DYNC1I1: variants seen among roughly 807,000 people sequenced by gnomAD.
The protein encoded by DYNC1I1 is dynein cytoplasmic 1 intermediate chain 1, also known as cytoplasmic dynein 1 intermediate chain 1.
DYNC1I1 carries 43 observed loss-of-function variants against 86.6 expected under a neutral mutation model. The observed-to-expected ratio is 0.50, with a 90% confidence interval of 0.39 to 0.64. The LOEUF (loss-of-function observed/expected upper bound fraction) is 0.64, where lower values mean the gene tolerates loss of function less well. Ranked by LOEUF, DYNC1I1 falls within the 30% of genes least tolerant of loss-of-function variation. The probability of loss-of-function intolerance (pLI) is 0.00; values close to 1 mark genes in which losing one functional copy is unlikely to be tolerated. For synonymous variants in DYNC1I1, 262 were observed against 283.7 expected (o/e 0.92, Z 0.77); for missense variants, 604 against 788.8 (o/e 0.77, Z 2.81).
chr7:96,078,047 C>A (rs544748267), intron 15 of DYNC1I1, among the ~76,000 whole-genome samples: 1 of 152,206 alleles, frequency 6.6e-6, no homozygotes, highest in African/African-American at 2.4e-5. Flanking sequence ...CTTTTTAAAA[C>A]CTTCAAATCA....
At chr7:95,899,048 A>T (rs1310239315) in intron 6 of DYNC1I1, among the ~76,000 whole-genome samples, 1 of 152,098 alleles carries the variant, frequency 6.6e-6, no homozygotes, top group Non-Finnish European at 1.5e-5. Context: ...TTTTTTTCCA[A>T]GTACTTGTAA....
intron 1 of DYNC1I1, 92 bp from the exon 2 acceptor site, chr7:95,804,626 ATTG>A (rs1794660753): frequency 7.7e-7 from 1 of 1,303,448 alleles, no homozygotes; most frequent in East Asian, 2.6e-5. Flanking sequence ...CAAAAGTCAC[ATTG>A]TTAAGTTGCA....
At chr7:96,048,407 A>T (rs2116088307) in intron 14 of DYNC1I1, among the ~76,000 whole-genome samples, 1 of 152,270 alleles carries the variant, frequency 6.6e-6, no homozygotes, top group Non-Finnish European at 1.5e-5. Context: ...AATTCTTCCA[A>T]GCCAGTGTTC....
At chr7:95,801,909 G>C (rs543190904) in intron 1 of DYNC1I1, among the ~76,000 whole-genome samples, 9 of 152,180 alleles carry the variant, frequency 5.9e-5, no homozygotes, top group Non-Finnish European at 1.3e-4. Flanking sequence ...GTGTCCTTCC[G>C]TGTGGACCCT....
chr7:95,977,700 G>A, intron 7 of DYNC1I1, 99 bp downstream of exon 7: 1 of 1,030,632 alleles, frequency 9.7e-7, no homozygotes, highest in Non-Finnish European at 1.4e-6. Context: ...AATTGAATTT[G>A]CATCCCCTAT....
intron 5 of DYNC1I1, among the ~76,000 whole-genome samples, chr7:95,828,583 A>G (rs1795254109): frequency 6.6e-6 from 1 of 152,136 alleles, no homozygotes. Flanking sequence ...ATTTGAATTA[A>G]GTTTGAACAG....
intron 6 of DYNC1I1, among the ~76,000 whole-genome samples, chr7:95,895,241 T>C (rs1456050647): frequency 6.6e-6 from 1 of 152,082 alleles, no homozygotes; most frequent in Non-Finnish European, 1.5e-5. Context: ...TCCGATGGAG[T>C]ATAGTTCATT....
rs905324043 is a variant in DYNC1I1 at position 95,987,090 on chromosome 7, C to T, written c.778C>T (p.Arg260Cys). ...GGCTGGAGCCAATCTTTCTTTCAATCGTCAGTTCTATGATGAACATTGGTC... is the reference window on the plus strand; with the variant it reads ...GGCTGGAGCCAATCTTTCTTTCAATTGTCAGTTCTATGATGAACATTGGTC... ...VQAGANLSFNRQFYDEHWSKH... is the reference protein window; with the variant it reads ...VQAGANLSFNCQFYDEHWSKH... Residue 260 changes from arginine to cysteine, a missense_variant, in exon 9 of 17, where the codon CGT (arginine) becomes TGT (cysteine). Transcript: ENST00000447467. 3.7e-6 allele frequency: 6 copies of T among 1,613,792 alleles called. No homozygotes were observed. Among genetic ancestry groups the T allele is most frequent in the East Asian group, 4.5e-5 (2 of 44,874 alleles).
At chr7:95,970,530 G>T (rs1335364650) in intron 6 of DYNC1I1, among the ~76,000 whole-genome samples, 1 of 152,186 alleles carries the variant, frequency 6.6e-6, no homozygotes, top group Non-Finnish European at 1.5e-5. Flanking sequence ...TCTAGCATCA[G>T]CAGTGCCTTG....
At chr7:95,828,189 G>T (rs970913766) in intron 5 of DYNC1I1, 73 bp downstream of exon 5, 4 of 1,548,294 alleles carry the variant, frequency 2.6e-6, no homozygotes. Context: ...TGGAGCTGTT[G>T]TTGCTCTTGT....
At chr7:95,927,622 T>TG (rs1394451879) in intron 6 of DYNC1I1, among the ~76,000 whole-genome samples, 4 of 151,548 alleles carry the variant, frequency 2.6e-5, no homozygotes, top group African/African-American at 9.7e-5. Context: ...GGGGAGAGAG[T>TG]GAGAGGATGG....
intron 14 of DYNC1I1, among the ~76,000 whole-genome samples, chr7:96,063,225 G>A (rs75273010): frequency 1.3e-5 from 2 of 151,840 alleles, no homozygotes; most frequent in East Asian, 3.9e-4. Context: ...GATTGCAAAG[G>A]GATGTGTTTA....
At chr7:95,793,537 G>A (rs1019814040) in intron 1 of DYNC1I1, among the ~76,000 whole-genome samples, 2 of 152,078 alleles carry the variant, frequency 1.3e-5, no homozygotes, top group East Asian at 3.9e-4. Context: ...GGAGTCTCTG[G>A]GTCAGAGAGT....
intron 16 of DYNC1I1, among the ~76,000 whole-genome samples, chr7:96,082,493 T>A (rs999132806): frequency 6.6e-6 from 1 of 152,200 alleles, no homozygotes; most frequent in African/African-American, 2.4e-5. Context: ...CACTTAAGAT[T>A]GTATACAATA....
chr7:95,985,296 G>A (rs777556063), intron 8 of DYNC1I1, among the ~76,000 whole-genome samples: 1 of 152,114 alleles, frequency 6.6e-6, no homozygotes, highest in Non-Finnish European at 1.5e-5. Context: ...GATTCATGTT[G>A]TATCTACTAG....
At chr7:96,074,002 C>T (rs1271606497) in intron 14 of DYNC1I1, among the ~76,000 whole-genome samples, 2 of 152,074 alleles carry the variant, frequency 1.3e-5, no homozygotes, top group African/African-American at 4.8e-5. Context: ...AGCCAATAAG[C>T]AAATAATTTT....
At chr7:96,081,332 A>G (rs1310077061) in intron 16 of DYNC1I1, among the ~76,000 whole-genome samples, 1 of 149,458 alleles carries the variant, frequency 6.7e-6, no homozygotes, top group Non-Finnish European at 1.5e-5. Flanking sequence ...TAAAAAAGGA[A>G]AAAAAAAAAC....
At position 96,064,614 on chromosome 7, in the gene DYNC1I1, A is replaced by G. The variant is rs576946658; in HGVS notation, c.1510-11443A>G. Among the ~76,000 whole-genome samples the G allele has an allele frequency of 1.2e-3, 171 of 143,708 alleles. 1 individual carries two copies. Among genetic ancestry groups the G allele is most frequent in the Non-Finnish European group, 2.2e-3 (144 of 65,410 alleles). 94.3% of individuals were successfully genotyped at this position (143,708 alleles called of 152,430 possible). A position where few individuals can be genotyped will look rare whatever the true frequency, so the allele number is the denominator to read the frequency against. On this transcript the variant is annotated intron_variant, in intron 14 of 16. Coordinates refer to ENST00000447467, the MANE Select transcript of DYNC1I1 (RefSeq NM_001135556.2). ...GGGAAAGGTTCTGAACCAAGGTAAC[A>G]TGCTAGAAGCACAATAGTTATCCCA...
chr7:95,968,803 A>G (rs1477728127), intron 6 of DYNC1I1, among the ~76,000 whole-genome samples: 1 of 148,236 alleles, frequency 6.7e-6, no homozygotes, highest in African/African-American at 2.5e-5. Context: ...TTGCATCTTC[A>G]ATTGTTCTGA....
Sources: gnomAD v4.1 joint callset for allele counts (sites outside exome capture counted in the v4.1 genomes callset) on GRCh38, gnomAD v4.1.1 for gene constraint, MANE v1.5 for transcripts, NCBI Gene and HGNC (gene_info 2026-07-23, HGNC 2026-07-21) for gene names.